Variants in ARK2N observed in about 807,000 individuals in gnomAD.
ARK2N encodes protein ARK2N.
At chr18:46,206,976 G>A in the ARK2N span, among the ~76,000 whole-genome samples, 5 of 151,898 alleles carry the variant, frequency 3.3e-5, no homozygotes, top group Non-Finnish European at 5.9e-5. Context: ...GGGTCTCACT[G>A]TGTTGCCCAG....
At chr18:46,221,089 T>C in the ARK2N span, among the ~76,000 whole-genome samples, 2 of 152,174 alleles carry the variant, frequency 1.3e-5, no homozygotes, top group South Asian at 2.1e-4. Flanking sequence ...TGAGCCATGA[T>C]TGAGCCTCTG....
chr18:46,221,762 C>CAGTG, the ARK2N span, among the ~76,000 whole-genome samples: 1 of 152,018 alleles, frequency 6.6e-6, no homozygotes, highest in Non-Finnish European at 1.5e-5. Flanking sequence ...AAATATAAGG[C>CAGTG]AGTGAGGAGG....
the ARK2N span, among the ~76,000 whole-genome samples, chr18:46,208,455 T>C: frequency 1.3e-5 from 2 of 149,426 alleles, no homozygotes; most frequent in African/African-American, 4.9e-5. Context: ...GGATTTTCTG[T>C]TCTTAAATCT....
chr18:46,242,762 G>A, the ARK2N span, among the ~76,000 whole-genome samples: 1 of 152,036 alleles, frequency 6.6e-6, no homozygotes, highest in Non-Finnish European at 1.5e-5. Flanking sequence ...TATGAGTTTT[G>A]TTGTTGTTAT....
chr18:46,238,154 C>T, the ARK2N span, among the ~76,000 whole-genome samples: 1 of 152,150 alleles, frequency 6.6e-6, no homozygotes, highest in African/African-American at 2.4e-5. Flanking sequence ...ACAATTTTGA[C>T]TTGACTGTTG....
chr18:46,240,118 G>A, the ARK2N span: 1 of 1,614,214 alleles, frequency 6.2e-7, no homozygotes, highest in East Asian at 2.2e-5. Flanking sequence ...CAGTAATTCT[G>A]TAGGCGGCCA....
At chr18:46,202,649 G>A in the ARK2N span, among the ~76,000 whole-genome samples, 9 of 151,742 alleles carry the variant, frequency 5.9e-5, no homozygotes, top group East Asian at 1.9e-4. Flanking sequence ...TTAGCTGGGC[G>A]TAGTGGCGGG....
the ARK2N span, among the ~76,000 whole-genome samples, chr18:46,246,513 C>T: frequency 2.0e-5 from 3 of 152,150 alleles, no homozygotes; most frequent in African/African-American, 7.2e-5. Flanking sequence ...AAGGCTCTGA[C>T]AGGAAATTTG....
At chr18:46,213,813 C>T in the ARK2N span, among the ~76,000 whole-genome samples, 4,345 of 152,252 alleles carry the variant, frequency 0.029, 189 homozygotes, top group African/African-American at 0.099. Flanking sequence ...TCTTTTGCCT[C>T]AGCCTCCCGA....
the ARK2N span, among the ~76,000 whole-genome samples, chr18:46,244,544 T>C: frequency 1.9e-3 from 286 of 151,252 alleles, 2 homozygotes; most frequent in Middle Eastern, 0.02. Context: ...GTGAAGGAGA[T>C]GAAGTATGGT....
chr18:46,214,638 C>T, the ARK2N span, among the ~76,000 whole-genome samples: 1 of 152,100 alleles, frequency 6.6e-6, no homozygotes, highest in East Asian at 1.9e-4. Context: ...ATGTCCTGTA[C>T]CTGTATGGTT....
the ARK2N span, among the ~76,000 whole-genome samples, chr18:46,256,258 T>G: frequency 6.6e-6 from 1 of 152,244 alleles, no homozygotes; most frequent in African/African-American, 2.4e-5. Flanking sequence ...TCTCTTACTC[T>G]GTGCTAAGAC....
chr18:46,182,882 A>G, the ARK2N span, among the ~76,000 whole-genome samples: 1 of 152,096 alleles, frequency 6.6e-6, no homozygotes, highest in South Asian at 2.1e-4. Flanking sequence ...GCTGGCAAGC[A>G]AGCAAAGCTG....
chr18:46,192,437 C>T, the ARK2N span, among the ~76,000 whole-genome samples: 65,445 of 151,736 alleles, frequency 0.43, 16,074 homozygotes, highest in Middle Eastern at 0.55. Flanking sequence ...ATTATCTGGG[C>T]GTGGTGGTGC....
At chr18:46,194,513 C>T in the ARK2N span, among the ~76,000 whole-genome samples, 1 of 151,070 alleles carries the variant, frequency 6.6e-6, no homozygotes, top group African/African-American at 2.4e-5. Context: ...CGCTGTGTCA[C>T]GCAGGCTGGA....
At chr18:46,242,730 G>A in the ARK2N span, among the ~76,000 whole-genome samples, 1 of 152,136 alleles carries the variant, frequency 6.6e-6, no homozygotes, top group Non-Finnish European at 1.5e-5. Context: ...CATTTGAAAT[G>A]TGCTTTTTTA....
the ARK2N span, among the ~76,000 whole-genome samples, chr18:46,225,564 T>G: frequency 2.6e-5 from 4 of 152,176 alleles, no homozygotes; most frequent in Non-Finnish European, 5.9e-5. Flanking sequence ...GTTCAAGCGA[T>G]TCTCCTGTCT....
the ARK2N span, among the ~76,000 whole-genome samples, chr18:46,186,977 C>T: frequency 6.6e-6 from 1 of 151,522 alleles, no homozygotes; most frequent in South Asian, 2.1e-4. Context: ...GTCTCAGCCT[C>T]CCGAGTTGCT....
At chr18:46,229,573 T>G in the ARK2N span, among the ~76,000 whole-genome samples, 2 of 151,886 alleles carry the variant, frequency 1.3e-5, no homozygotes, top group Non-Finnish European at 2.9e-5. Context: ...CTCGATCTCC[T>G]GACGTCATGA....
Sources: gnomAD v4.1 joint callset for allele counts (sites outside exome capture counted in the v4.1 genomes callset) on GRCh38, gnomAD v4.1.1 for gene constraint, MANE v1.5 for transcripts, NCBI Gene and HGNC (gene_info 2026-07-23, HGNC 2026-07-21) for gene names.